The following FCER2 variants were observed in gnomAD, a reference collection of about 807,000 sequenced individuals.
FCER2 encodes the protein low affinity immunoglobulin epsilon Fc receptor.
Under a neutral mutation model 49.7 loss-of-function variants are expected in FCER2, and 38 were observed. The ratio of observed to expected loss-of-function variants is 0.76; its 90% confidence interval spans 0.59 to 1.00. The LOEUF (loss-of-function observed/expected upper bound fraction) is 1.00, where lower values mean the gene tolerates loss of function less well. FCER2 is among the 50% of genes least tolerant of loss of function. The pLI is 0.00. For synonymous variants in FCER2, 163 were observed against 164.6 expected, an observed-to-expected ratio of 0.99 and a Z score of 0.07; for missense variants, 425 against 419.5, an observed-to-expected ratio of 1.01 and a Z score of -0.11.
At chr19:7,691,493 A>G (rs968945925) in intron 8 of FCER2, among the ~76,000 whole-genome samples, 10 of 151,974 alleles carry the variant, frequency 6.6e-5, no homozygotes, top group African/African-American at 2.2e-4. Flanking sequence ...AAATCCATCC[A>G]TGGCTAGCAA....
chr19:7,700,842 G>A (rs11260022), intron 1 of FCER2, among the ~76,000 whole-genome samples: 23,590 of 150,530 alleles, frequency 0.16, 1,961 homozygotes, highest in Admixed American at 0.21. Context: ...ATGGAGTCTC[G>A]CTCTGTCACC....
rs757838614 is a variant in FCER2 at position 7,699,805 on chromosome 19, T to C, written c.-45A>G. The C allele has an allele frequency of 1.2e-6, 2 of 1,600,392 alleles. No homozygotes were observed. The highest frequency in any genetic ancestry group is 1.7e-6 in the Non-Finnish European group (2 of 1,167,944). ...TCCCGATGATGGAGCACTCACTCCC[T>C]GACAACGCAGTCCACTCAGCGGGCA... On this transcript the variant is annotated 5_prime_UTR_variant, in exon 2 of 11. Coordinates refer to ENST00000597921, the MANE Select transcript of FCER2 (RefSeq NM_001220500.2).
chr19:7,701,762 C>T (rs999766008), intron 1 of FCER2, among the ~76,000 whole-genome samples: 1 of 152,096 alleles, frequency 6.6e-6, no homozygotes, highest in African/African-American at 2.4e-5. Flanking sequence ...CCTCTATGAT[C>T]GGCCCAGCGC....
chr19:7,690,056 A>G (rs4996978), intron 10 of FCER2, 103 bp downstream of exon 10: 2 of 772,014 alleles, frequency 2.6e-6, no homozygotes, highest in Non-Finnish European at 2.2e-6. Context: ...AGAGACCCTT[A>G]TCTCTGAGCC....
Position 7,698,349 on chromosome 19 carries a change from T to G in FCER2, c.190+7A>C. On this transcript the variant is annotated splice_region_variant and intron_variant, in intron 4 of 10. Coordinates refer to ENST00000597921, the MANE Select transcript of FCER2 (RefSeq NM_001220500.2). ...CCCCCACCCCCTCCACCTTGACCCC[T>G]TCATACCGTTCCGGGCAGCCCTCTC... 2 of 1,603,238 alleles carry G rather than the reference T, an allele frequency of 1.2e-6. No individual in the cohort carries two copies. The highest frequency in any genetic ancestry group is 1.7e-6 in the Non-Finnish European group (2 of 1,171,934).
chr19:7,693,770 T>C (rs1370623252), intron 8 of FCER2, among the ~76,000 whole-genome samples: 2 of 152,048 alleles, frequency 1.3e-5, no homozygotes, highest in East Asian at 2.0e-4. Flanking sequence ...TGCCTTAGCC[T>C]CCCAAGTAGC....
chr19:7,693,453 T>C (rs12971845), intron 8 of FCER2, among the ~76,000 whole-genome samples: 32,684 of 151,338 alleles, frequency 0.22, 4,267 homozygotes, highest in Admixed American at 0.33. Context: ...AAATCTTTCT[T>C]GCTTCAAAAT....
intron 1 of FCER2, among the ~76,000 whole-genome samples, chr19:7,701,145 A>G (rs2033144581): frequency 6.6e-6 from 1 of 152,198 alleles, no homozygotes; most frequent in Non-Finnish European, 1.5e-5. Context: ...CTATGTGCTG[A>G]GGAGCATGGG....
At chr19:7,699,488 T>G in intron 2 of FCER2, 2 of 1,298,290 alleles carry the variant, frequency 1.5e-6, no homozygotes, top group Non-Finnish European at 9.9e-7. Context: ...TTTTTTTTTT[T>G]TTTTCTTTTT....
intron 8 of FCER2, among the ~76,000 whole-genome samples, chr19:7,694,796 G>C (rs1488838469): frequency 1.3e-5 from 2 of 151,948 alleles, no homozygotes; most frequent in Non-Finnish European, 2.9e-5. Flanking sequence ...TTAGCTGGCG[G>C]AACGGCAGGG....
rs561878238 is a variant in FCER2, at chr19:7,692,062, C to T, written c.470-1505G>A. Among the ~76,000 whole-genome samples the T allele has an allele frequency of 5.9e-4, 88 of 150,424 alleles. 19 individuals carry two copies. In the East Asian group the frequency reaches 0.015, roughly 25 times the overall value. On this transcript the variant is annotated intron_variant, in intron 8 of 10. Coordinates refer to ENST00000597921, the MANE Select transcript of FCER2 (RefSeq NM_001220500.2). Reference sequence around the variant, plus strand: ...AACACATCAACTACCAACACCATCACCACGAGCACATTCATGTCCAACAAC... The same window carrying T: ...AACACATCAACTACCAACACCATCATCACGAGCACATTCATGTCCAACAAC...
At chr19:7,695,827 G>A (rs1478437579) in intron 8 of FCER2, among the ~76,000 whole-genome samples, 1 of 152,032 alleles carries the variant, frequency 6.6e-6, no homozygotes, top group Non-Finnish European at 1.5e-5. Flanking sequence ...TGAGGTGGGA[G>A]GATCTCTTGA....
At chr19:7,698,976 A>C (rs2033092886) in intron 2 of FCER2, 122 bp from the exon 3 acceptor site, 2 of 1,036,588 alleles carry the variant, frequency 1.9e-6, no homozygotes, top group Non-Finnish European at 2.8e-6. Context: ...ACACTGAAGC[A>C]AAGGGTCTCA....
At chr19:7,700,860 G>C (rs907703132) in intron 1 of FCER2, among the ~76,000 whole-genome samples, 23 of 151,164 alleles carry the variant, frequency 1.5e-4, no homozygotes, top group African/African-American at 5.6e-4. Flanking sequence ...ACCCAGGCTA[G>C]AGTGCAATGG....
intron 8 of FCER2, among the ~76,000 whole-genome samples, chr19:7,691,148 C>T (rs2032859549): frequency 1.3e-5 from 2 of 152,208 alleles, no homozygotes; most frequent in African/African-American, 4.8e-5. Flanking sequence ...ATCGTCATAA[C>T]CACAGACACC....
chr19:7,699,659 G>A (rs562527082), intron 2 of FCER2, 80 bp downstream of exon 2: 1 of 1,393,796 alleles, frequency 7.2e-7, no homozygotes, highest in Non-Finnish European at 1.0e-6. Flanking sequence ...GGACTGGGGA[G>A]CCCCGCTTCT....
rs1378846790 is a variant in FCER2 at position 7,690,627 on chromosome 19, G to T, written c.470-70C>A. On this transcript the variant is annotated intron_variant, in intron 8 of 10. Coordinates refer to ENST00000597921, the MANE Select transcript of FCER2 (RefSeq NM_001220500.2). The stretch of plus-strand genomic sequence containing the variant: ...TTGGGCACCCTGGGCAGACTAGGTG[G>T]CAGCACCCCTCCTAGGGCCACTCCT... 2.6e-6 allele frequency: 4 copies of T among 1,527,204 alleles called. No homozygotes were observed. In the East Asian group the frequency reaches 6.9e-5, roughly 26 times the overall value. The allele number at this position is 1,527,204 out of a possible 1,614,324, so 94.6% of individuals were successfully genotyped here.
Position 7,698,794 on chromosome 19 carries a change from C to T in FCER2, c.83G>A (p.Gly28Glu), listed in dbSNP as rs758552077. ...CRRGTQIVLL[G>E]LVTAALWAGL... ...AGCCCACAGAGCGGCGGTCACCAGC[C>T]CCAGCAGCACGATCTGAGTCCCACG... The change falls in exon 3 of 11, where the codon GGG (glycine) becomes GAG (glutamate). Residue 28 changes from glycine to glutamate, a missense_variant. Coordinates refer to ENST00000597921, the MANE Select transcript of FCER2 (RefSeq NM_001220500.2). The T allele has an allele frequency of 3.1e-6, 5 of 1,612,712 alleles. No individual in the cohort carries two copies. The highest frequency in any genetic ancestry group is 2.7e-5 in the African/African-American group (2 of 74,848).
intron 8 of FCER2, 35 bp from the exon 9 acceptor site, chr19:7,690,592 T>C (rs75584211): frequency 0.29 from 468,561 of 1,598,460 alleles, 72,632 homozygotes; most frequent in African/African-American, 0.54. Context: ...GTGGGGCCAA[T>C]GGAAGTGCCT....
Sources: allele counts gnomAD v4.1 joint callset (sites outside exome capture counted in the v4.1 genomes callset), GRCh38; gene constraint gnomAD v4.1.1; transcripts MANE v1.5; gene names NCBI Gene and HGNC (gene_info 2026-07-23, HGNC 2026-07-21).